Variants in ZFYVE28 observed in about 807,000 individuals in gnomAD.
ZFYVE28 encodes lateral signaling target protein 2 homolog.
Under a neutral mutation model 82.1 loss-of-function variants are expected in ZFYVE28, and 40 were observed. The observed-to-expected ratio is 0.49, with a 90% CI of 0.38 to 0.63. The LOEUF is 0.63. Ranked by LOEUF, ZFYVE28 falls within the 30% of genes least tolerant of loss-of-function variation. The pLI is 0.00. For synonymous variants in ZFYVE28, 612 were observed against 546.1 expected (o/e 1.12, Z -1.68); for missense variants, 1,321 against 1,242.1 (o/e 1.06, Z -0.96).
intron 8 of ZFYVE28, among the ~76,000 whole-genome samples, chr4:2,302,197 G>A (rs1715661852): frequency 6.6e-6 from 1 of 152,206 alleles, no homozygotes; most frequent in South Asian, 2.1e-4. Flanking sequence ...TTACATTTTT[G>A]AAAATTGAAG....
chr4:2,294,640 T>G (rs1056168013), intron 8 of ZFYVE28, among the ~76,000 whole-genome samples: 1 of 152,198 alleles, frequency 6.6e-6, no homozygotes, highest in Non-Finnish European at 1.5e-5. Flanking sequence ...CAAAAGATAC[T>G]GTTAGAATGA....
Position 2,354,087 on chromosome 4 carries a change from G to A in ZFYVE28, c.40-14C>T. Reference sequence around the variant, plus strand: ...CGGATCCGACCTCTGCAGGAGAGAGGGGCCAGGGCCATGAGTGGGTGGGGA... The same window carrying A: ...CGGATCCGACCTCTGCAGGAGAGAGAGGCCAGGGCCATGAGTGGGTGGGGA... On this transcript the variant is annotated splice_polypyrimidine_tract_variant and intron_variant, in intron 1 of 12. Transcript: ENST00000290974. 1 of 1,513,474 alleles carries A rather than the reference G, an allele frequency of 6.6e-7. No homozygotes were observed. 93.8% of individuals were successfully genotyped at this position (1,513,474 alleles called of 1,614,324 possible).
At chr4:2,393,977 G>C (rs1003620024) in intron 1 of ZFYVE28, among the ~76,000 whole-genome samples, 1 of 152,180 alleles carries the variant, frequency 6.6e-6, no homozygotes, top group Non-Finnish European at 1.5e-5. Flanking sequence ...CAGCAGGACC[G>C]CGTGCCTTCT....
chr4:2,339,592 C>A lies in ZFYVE28; in HGVS notation c.382G>T (p.Ala128Ser). ...TCCAGGCTGCGCGTCAGCTCCTTGG[C>A]CAGCGGGCGCATGGCCATGCTCTCC... ...ELESMAMRPL[A>S]KELTRSLEDV... is the part of the protein sequence containing the mutation. The change falls in exon 4 of 13, where the codon GCC (alanine) becomes TCC (serine). Residue 128 changes from alanine to serine, a missense_variant. Physicochemically the swap from Ala to Ser is moderately conservative, Grantham distance 99. This residue lies in a region of ZFYVE28 where 343 missense variants were observed against 408.4 expected (regional missense o/e 0.84). Transcript: ENST00000290974. This position sits in a 1 kb window ranked among gnomAD's most constrained non-coding sequence, Gnocchi z 5.0. The A allele has an allele frequency of 6.2e-7, 1 of 1,611,952 alleles. No individual in the cohort carries two copies. Among genetic ancestry groups the A allele is most frequent in the East Asian group, 2.2e-5 (1 of 44,820 alleles).
rs1177679906 is a variant in ZFYVE28, at chr4:2,300,292, G to A, written c.2051+3997C>T. On this transcript the variant is annotated intron_variant, in intron 8 of 12. Transcript: ENST00000290974. The surrounding 1 kb of genome is among the most constrained non-coding windows in gnomAD (Gnocchi z 4.6). ...AAGTAACTTCCAAGGGTGACTTCGA[G>A]AGGACGGAAGGTTCTGGATCAAAGA... Among the ~76,000 whole-genome samples the A allele has an allele frequency of 1.3e-5, 2 of 152,214 alleles. No homozygotes were observed. The highest frequency in any genetic ancestry group is 2.4e-5 in the African/African-American group (1 of 41,456).
At chr4:2,280,126 C>T (rs1031788325) in intron 8 of ZFYVE28, among the ~76,000 whole-genome samples, 1 of 152,200 alleles carries the variant, frequency 6.6e-6, no homozygotes, top group Non-Finnish European at 1.5e-5. Context: ...TGACTCAATA[C>T]ATTAGGTCAT....
At chr4:2,371,030 A>G (rs745497852) in intron 1 of ZFYVE28, among the ~76,000 whole-genome samples, 67 of 152,362 alleles carry the variant, frequency 4.4e-4, no homozygotes, top group Admixed American at 1.1e-3. Context: ...TGTGGGGCGC[A>G]GCCCGAGTCT....
intron 5 of ZFYVE28, among the ~76,000 whole-genome samples, chr4:2,336,551 G>A (rs1169310533): frequency 7.7e-6 from 1 of 129,580 alleles, no homozygotes; most frequent in Non-Finnish European, 1.8e-5. Context: ...GAATATTGAT[G>A]GCTTCCCCCT....
At chr4:2,338,312 GT>G (rs1722183212) in intron 4 of ZFYVE28, among the ~76,000 whole-genome samples, 1 of 152,220 alleles carries the variant, frequency 6.6e-6, no homozygotes, top group African/African-American at 2.4e-5. Flanking sequence ...TCTAGGCCAG[GT>G]GCAGTAGCTC....
At chr4:2,345,731 C>A (rs531766356) in intron 2 of ZFYVE28, among the ~76,000 whole-genome samples, 67 of 150,970 alleles carry the variant, frequency 4.4e-4, no homozygotes, top group African/African-American at 1.6e-3. Flanking sequence ...AAAACTATAC[C>A]AAATTACAGC....
At position 2,336,883 on chromosome 4, in the gene ZFYVE28, G is replaced by C. The variant is rs1161858709; in HGVS notation, c.611+524C>G. ...GGTGAGGAGGGAGGAGGTGAAGAGT[G>C]AGGAGGTGAGGTGAGGAGTTAGGAG... is the stretch of plus-strand genomic sequence containing the variant. On this transcript the variant is annotated intron_variant, in intron 5 of 12. Coordinates refer to ENST00000290974, the MANE Select transcript of ZFYVE28 (RefSeq NM_020972.3). Among the ~76,000 whole-genome samples the C allele has an allele frequency of 2.7e-5, 4 of 147,904 alleles. No individual in the cohort carries two copies. In the East Asian group the frequency reaches 8.2e-4, roughly 30 times the overall value.
intron 1 of ZFYVE28, among the ~76,000 whole-genome samples, chr4:2,407,120 GC>G (rs33966909): frequency 0.5 from 75,431 of 151,740 alleles, 19,904 homozygotes; most frequent in East Asian, 0.86. Flanking sequence ...CGACTCCTGG[GC>G]CCCACCATTG....
intron 1 of ZFYVE28, among the ~76,000 whole-genome samples, chr4:2,406,361 G>A (rs1731914637): frequency 6.9e-6 from 1 of 145,226 alleles, no homozygotes; most frequent in Non-Finnish European, 1.5e-5. Context: ...CACAGAACAA[G>A]ACTCTGTCTC....
At chr4:2,271,109 G>T in intron 12 of ZFYVE28, 1 of 733,886 alleles carries the variant, frequency 1.4e-6, no homozygotes, top group Non-Finnish European at 2.2e-6. Context: ...CAGCAGCCGG[G>T]ACTGGACATG....
intron 2 of ZFYVE28, chr4:2,342,639 T>C (rs372438371): frequency 6.6e-6 from 1 of 152,258 alleles, no homozygotes; most frequent in South Asian, 2.1e-4. Context: ...ACAGAGTGTT[T>C]TGAACACTTT....
chr4:2,297,429 G>A (rs1383666090), intron 8 of ZFYVE28, among the ~76,000 whole-genome samples: 1 of 152,244 alleles, frequency 6.6e-6, no homozygotes, highest in African/African-American at 2.4e-5. Flanking sequence ...CCACACGGAG[G>A]AGTCGCCAGG....
chr4:2,331,848 G>A (rs960365769), intron 6 of ZFYVE28, among the ~76,000 whole-genome samples: 1 of 152,208 alleles, frequency 6.6e-6, no homozygotes, highest in Non-Finnish European at 1.5e-5. Flanking sequence ...CAATCTGAAG[G>A]CCTCAGTTTA....
intron 2 of ZFYVE28, among the ~76,000 whole-genome samples, chr4:2,346,753 C>A (rs915958399): frequency 6.6e-6 from 1 of 151,358 alleles, no homozygotes; most frequent in African/African-American, 2.4e-5. Context: ...AGATTTCTGG[C>A]TAATGAGCCA....
intron 1 of ZFYVE28, among the ~76,000 whole-genome samples, chr4:2,403,458 C>T (rs1731420827): frequency 6.6e-6 from 1 of 152,220 alleles, no homozygotes; most frequent in Admixed American, 6.5e-5. Context: ...GGCGGGAGGA[C>T]ATAGCGCACT....
Sources: allele counts gnomAD v4.1 joint callset (sites outside exome capture counted in the v4.1 genomes callset), GRCh38; gene constraint gnomAD v4.1.1; regional missense constraint gnomAD v4.1.1; non-coding constraint Gnocchi (gnomAD v3.1); transcripts MANE v1.5; gene names NCBI Gene and HGNC (gene_info 2026-07-23, HGNC 2026-07-21).